The following BCL2L13 variants were observed in gnomAD, a reference collection of about 807,000 sequenced individuals.
BCL2L13 encodes bcl-2-like protein 13.
A neutral mutation model predicts 25.8 loss-of-function variants in BCL2L13; 13 were observed. The ratio of observed to expected loss-of-function variants is 0.50; its 90% CI spans 0.33 to 0.80. The LOEUF (loss-of-function observed/expected upper bound fraction) is 0.80. Among genes scored for constraint, BCL2L13 ranks in the 30% least tolerant of loss-of-function variants. BCL2L13 has a pLI of 0.02. For missense variants in BCL2L13, 504 were observed against 574.9 expected (o/e 0.88, Z 1.26); for synonymous variants, 244 against 230.3 (o/e 1.06, Z -0.54).
At chr22:17,671,350 C>A (rs530156012) in intron 2 of BCL2L13, among the ~76,000 whole-genome samples, 8 of 146,428 alleles carry the variant, frequency 5.5e-5, no homozygotes, top group Admixed American at 2.1e-4. Flanking sequence ...GCCAAGATCA[C>A]GCCACTGCAC....
At chr22:17,652,850 G>A (rs934973122) in intron 1 of BCL2L13, among the ~76,000 whole-genome samples, 1 of 152,146 alleles carries the variant, frequency 6.6e-6, no homozygotes, top group East Asian at 1.9e-4. Flanking sequence ...GAATCACGAG[G>A]TCAGGAGATC....
intron 4 of BCL2L13, among the ~76,000 whole-genome samples, chr22:17,693,195 T>G (rs900473784): frequency 1.3e-5 from 2 of 151,416 alleles, no homozygotes; most frequent in Non-Finnish European, 2.9e-5. Context: ...ATATGTAATA[T>G]AAAATATAAA....
chr22:17,702,185 T>C (rs1418685483), intron 5 of BCL2L13, 58 bp from the exon 6 acceptor site: 1 of 1,374,706 alleles, frequency 7.3e-7, no homozygotes, highest in Non-Finnish European at 9.9e-7. Flanking sequence ...GTTGAACATA[T>C]AAAACACATT....
chr22:17,716,941 T>C (rs1194303606), intron 6 of BCL2L13, among the ~76,000 whole-genome samples: 1 of 152,170 alleles, frequency 6.6e-6, no homozygotes, highest in African/African-American at 2.4e-5. Flanking sequence ...GAGGCAATGT[T>C]TTATATCAAG....
chr22:17,633,182 A>G (rs560659801), intron 1 of BCL2L13, among the ~76,000 whole-genome samples: 1 of 152,316 alleles, frequency 6.6e-6, no homozygotes, highest in African/African-American at 2.4e-5. Flanking sequence ...TCAAGACTTC[A>G]CTTGAAAAAC....
rs573216932 is a variant in BCL2L13 at position 17,707,767 on chromosome 22, G to C, written c.600+5381G>C. Reference sequence around the variant, plus strand: ...AGATGGGCTTTGGAATTTTGCCAAAGCTTCTTCAGATGGAAAAGTTAAGTT... The same window carrying C: ...AGATGGGCTTTGGAATTTTGCCAAACCTTCTTCAGATGGAAAAGTTAAGTT... On this transcript the variant is annotated intron_variant, in intron 6 of 6. Transcript: ENST00000317582. 1.3e-4 allele frequency among the ~76,000 whole-genome samples: 20 copies of C among 152,248 alleles called. No homozygotes were observed. In the South Asian group the frequency reaches 3.7e-3, roughly 28 times the overall value.
At chr22:17,705,902 T>C (rs1382802326) in intron 6 of BCL2L13, among the ~76,000 whole-genome samples, 4 of 152,202 alleles carry the variant, frequency 2.6e-5, no homozygotes, top group African/African-American at 9.7e-5. Flanking sequence ...CCAGCAGCCA[T>C]AATCTGTTGG....
At chr22:17,683,882 T>TTATTATTAC (rs1489805198) in intron 3 of BCL2L13, among the ~76,000 whole-genome samples, 1 of 132,580 alleles carries the variant, frequency 7.5e-6, no homozygotes, top group Non-Finnish European at 1.6e-5. Context: ...ATTATTATTA[T>TTATTATTAC]TACTATTTCA....
chr22:17,693,381 T>G (rs1467430914), intron 4 of BCL2L13, among the ~76,000 whole-genome samples: 9,980 of 121,122 alleles, frequency 0.082, 427 homozygotes, highest in Non-Finnish European at 0.098. Flanking sequence ...TGTTTTTTTT[T>G]TTTTTTTTTT....
rs2060254965 is a variant in BCL2L13, at chr22:17,696,051, G to T, written c.387-90G>T. 3.2e-6 allele frequency: 3 copies of T among 923,082 alleles called. No homozygotes were observed. The South Asian group carries it at 4.1e-5, about 13-fold the overall frequency. The allele number at this position is 923,082 out of a possible 1,614,324, so 57.2% of individuals were successfully genotyped here. ...ATAATCTTTGTCAGTTTAGCAAAAA[G>T]TTCAACAGAGTAGTGACTGTATATG... On this transcript the variant is annotated intron_variant, in intron 4 of 6. Coordinates refer to ENST00000317582, the MANE Select transcript of BCL2L13 (RefSeq NM_015367.4).
At chr22:17,679,539 G>A (rs2429746) in intron 2 of BCL2L13, among the ~76,000 whole-genome samples, 21,190 of 151,714 alleles carry the variant, frequency 0.14, 2,032 homozygotes, top group Non-Finnish European at 0.21. Flanking sequence ...TGAAGTGCTG[G>A]GATTACAGGC....
At chr22:17,655,031 T>G (rs1305617649) in intron 1 of BCL2L13, among the ~76,000 whole-genome samples, 1 of 151,420 alleles carries the variant, frequency 6.6e-6, no homozygotes, top group East Asian at 1.9e-4. Context: ...GCCTGTATCC[T>G]TATTTTATAA....
chr22:17,674,675 A>T lies in BCL2L13; in HGVS notation c.122-8539A>T, dbSNP rs558303026. Among the ~76,000 whole-genome samples, 4 of 151,372 alleles carry T rather than the reference A, an allele frequency of 2.6e-5. No homozygotes were observed. The South Asian group carries it at 8.4e-4, about 32-fold the overall frequency. ...TTGCCCAGGCTGGAGTGCAGTGGCT[A>T]CTCACAGGCATGATTATAGCACACT... On this transcript the variant is annotated intron_variant, in intron 2 of 6. Transcript: ENST00000317582.
chr22:17,700,857 G>C (rs2587081), intron 5 of BCL2L13, among the ~76,000 whole-genome samples: 130,493 of 152,236 alleles, frequency 0.86, 56,073 homozygotes, highest in East Asian at 0.94. Context: ...CTTTCTCTTC[G>C]TTTCTTTAGA....
intron 4 of BCL2L13, among the ~76,000 whole-genome samples, chr22:17,691,108 C>A (rs1023493020): frequency 4.6e-5 from 7 of 152,100 alleles, no homozygotes; most frequent in Non-Finnish European, 8.8e-5. Context: ...TCAAGCAACT[C>A]TCCCACCTCA....
chr22:17,704,208 C>T (rs1378989976), intron 6 of BCL2L13, among the ~76,000 whole-genome samples: 1 of 152,090 alleles, frequency 6.6e-6, no homozygotes, highest in Non-Finnish European at 1.5e-5. Context: ...GCCTCAGCCT[C>T]CTGAGTAGCA....
Position 17,726,965 on chromosome 22 carries a change from AAG to A in BCL2L13, c.892_893del (p.Ser298Ter). On this transcript the variant is annotated frameshift_variant, in exon 7 of 7. Coordinates refer to ENST00000317582, the MANE Select transcript of BCL2L13 (RefSeq NM_015367.4). LOFTEE classifies it low-confidence loss of function (END_TRUNC). ...KSLDSNGAGE[K>X]SENNSSNSDI... ...CTTAGACAGCAACGGAGCTGGAGAG[AAG>A]AGTGAGAACAACTCCTCTAATTCTG... The A allele has an allele frequency of 6.2e-7, 1 of 1,614,186 alleles. No homozygotes were observed. The highest frequency in any genetic ancestry group is 8.5e-7 in the Non-Finnish European group (1 of 1,180,030).
At chr22:17,656,275 G>A (rs1213862293) in intron 2 of BCL2L13, among the ~76,000 whole-genome samples, 5 of 130,592 alleles carry the variant, frequency 3.8e-5, no homozygotes, top group Non-Finnish European at 6.4e-5. Flanking sequence ...AGAATAACCC[G>A]TTATGCCATT....
At chr22:17,680,643 A>G (rs2059723383) in intron 2 of BCL2L13, among the ~76,000 whole-genome samples, 1 of 150,610 alleles carries the variant, frequency 6.6e-6, no homozygotes, top group Non-Finnish European at 1.5e-5. Context: ...GCGGTGTCTT[A>G]AGGAGGGTGG....
Sources: gnomAD v4.1 joint callset for allele counts (sites outside exome capture counted in the v4.1 genomes callset) on GRCh38, gnomAD v4.1.1 for gene constraint, MANE v1.5 for transcripts, NCBI Gene and HGNC (gene_info 2026-07-23, HGNC 2026-07-21) for gene names.